The following ADAMTS2 variants were observed in gnomAD, a reference collection of about 807,000 sequenced individuals.
The protein encoded by ADAMTS2 is A disintegrin and metalloproteinase with thrombospondin motifs 2.
Under a neutral mutation model 123.0 loss-of-function variants are expected in ADAMTS2, and 50 were observed. The ratio of observed to expected loss-of-function variants is 0.41; its 90% CI spans 0.32 to 0.51. The LOEUF (loss-of-function observed/expected upper bound fraction) is 0.51, where lower values mean the gene tolerates loss of function less well. Ranked by LOEUF, ADAMTS2 falls within the 20% of genes least tolerant of loss-of-function variation. ADAMTS2 has a pLI of 0.35. For missense variants in ADAMTS2, 1,494 were observed against 1,705.2 expected, an observed-to-expected ratio of 0.88 and a Z score of 2.18; for synonymous variants, 678 against 695.4, an observed-to-expected ratio of 0.98 and a Z score of 0.39.
At chr5:179,153,226 C>T (rs1763396353) in intron 9 of ADAMTS2, among the ~76,000 whole-genome samples, 1 of 152,204 alleles carries the variant, frequency 6.6e-6, no homozygotes, top group Non-Finnish European at 1.5e-5. Flanking sequence ...CCTCTGCAGG[C>T]TCTCACTGCC....
intron 3 of ADAMTS2, among the ~76,000 whole-genome samples, chr5:179,270,296 G>A (rs894724966): frequency 3.9e-5 from 6 of 152,128 alleles, no homozygotes; most frequent in Admixed American, 6.5e-5. Flanking sequence ...GGGATATCCT[G>A]CCACCCAGAC....
intron 4 of ADAMTS2, among the ~76,000 whole-genome samples, chr5:179,203,725 A>C (rs967930355): frequency 2.0e-5 from 3 of 152,254 alleles, no homozygotes; most frequent in African/African-American, 7.2e-5. Context: ...AGTTGGTGAC[A>C]ATTTGGAGAG....
chr5:179,199,614 G>A (rs1764515108), intron 4 of ADAMTS2, among the ~76,000 whole-genome samples: 2 of 152,168 alleles, frequency 1.3e-5, no homozygotes, highest in Admixed American at 6.5e-5. Context: ...CCCAGTGGGT[G>A]TGCCCTTCCT....
intron 2 of ADAMTS2, among the ~76,000 whole-genome samples, chr5:179,328,238 T>G (rs1463546679): frequency 6.6e-6 from 1 of 152,234 alleles, no homozygotes; most frequent in East Asian, 1.9e-4. Flanking sequence ...TTCACCGTGT[T>G]AGCCAGGATG....
chr5:179,337,958 T>C (rs1470273321), intron 2 of ADAMTS2, among the ~76,000 whole-genome samples: 1 of 151,652 alleles, frequency 6.6e-6, no homozygotes. Flanking sequence ...CCCAGCTGAC[T>C]CTGCAGGAGG....
chr5:179,189,191 C>T lies in ADAMTS2; in HGVS notation c.892-8036G>A, dbSNP rs116675461. On this transcript the variant is annotated intron_variant, in intron 4 of 21. Coordinates refer to ENST00000251582, the MANE Select transcript of ADAMTS2 (RefSeq NM_014244.5). The surrounding 1 kb of genome is among the most constrained non-coding windows in gnomAD (Gnocchi z 4.2). ...AAGCAACAATGAAAATTATCACGTG[C>T]GTCCATGTGAAGAGATCACCAAACA... Among the ~76,000 whole-genome samples the T allele has an allele frequency of 4.7e-4, 71 of 152,266 alleles. No homozygotes were observed. Among genetic ancestry groups the T allele is most frequent in the African/African-American group, 1.5e-3 (64 of 41,548 alleles).
chr5:179,140,327 C>T (rs546394708), intron 10 of ADAMTS2, among the ~76,000 whole-genome samples: 79 of 152,352 alleles, frequency 5.2e-4, no homozygotes, highest in African/African-American at 1.7e-3. Flanking sequence ...CACCACATGA[C>T]GCCGCCAGGA....
chr5:179,131,372 C>T (rs999609068), intron 15 of ADAMTS2, among the ~76,000 whole-genome samples: 1 of 148,968 alleles, frequency 6.7e-6, no homozygotes, highest in Non-Finnish European at 1.5e-5. Flanking sequence ...GAGATCCTGT[C>T]TCTAAATAAA....
Position 179,272,244 on chromosome 5 carries a change from G to A in ADAMTS2, c.688+667C>T, listed in dbSNP as rs967917592. On this transcript the variant is annotated intron_variant, in intron 3 of 21. Transcript: ENST00000251582. The surrounding 1 kb of genome is among the most constrained non-coding windows in gnomAD (Gnocchi z 5.8). ...ACAGTCATGGACTGTCACCATGGCC[G>A]CCTGGCAGCTCCTTTCACGTTTCTG... 1.3e-5 allele frequency among the ~76,000 whole-genome samples: 2 copies of A among 152,232 alleles called. No individual in the cohort carries two copies. The highest frequency in any genetic ancestry group is 1.9e-4 in the East Asian group (1 of 5,200).
rs144967440 is a variant in ADAMTS2 at position 179,298,054 on chromosome 5, G to A, written c.535-24990C>T. On this transcript the variant is annotated intron_variant, in intron 2 of 21. Transcript: ENST00000251582. The stretch of plus-strand genomic sequence containing the variant: ...CTCAGCCTCTCTCTGGCCGCCCCCA[G>A]CTGCTCCGGTTTCCACAGCACCAGA... Among the ~76,000 whole-genome samples the A allele has an allele frequency of 8.5e-5, 13 of 152,178 alleles. No homozygotes were observed. In the East Asian group the frequency reaches 2.3e-3, roughly 27 times the overall value.
chr5:179,182,861 C>G lies in ADAMTS2; in HGVS notation c.892-1706G>C, dbSNP rs1422607689. Reference sequence around the variant, plus strand: ...CCCTGTAGGCGCTGAGGGTTATCCTCTAGACCCCCAGTGACCCATCTCGCC... The same window carrying G: ...CCCTGTAGGCGCTGAGGGTTATCCTGTAGACCCCCAGTGACCCATCTCGCC... On this transcript the variant is annotated intron_variant, in intron 4 of 21. Transcript: ENST00000251582. Among the ~76,000 whole-genome samples, 5 of 152,152 alleles carry G rather than the reference C, an allele frequency of 3.3e-5. No homozygotes were observed. In the South Asian group the frequency reaches 8.3e-4, roughly 25 times the overall value.
intron 6 of ADAMTS2, among the ~76,000 whole-genome samples, chr5:179,156,359 A>ATTT (rs397967558): frequency 8.4e-4 from 103 of 122,356 alleles, no homozygotes; most frequent in Non-Finnish European, 1.1e-3. Flanking sequence ...TCAGCTTTCG[A>ATTT]TTTTTTTTTT....
In ADAMTS2 at chr5:179,245,489, G is replaced by A. The variant is rs542180397; in HGVS notation, c.688+27422C>T. Among the ~76,000 whole-genome samples, 286 of 147,252 alleles carry A rather than the reference G, an allele frequency of 1.9e-3. 5 individuals are homozygous for A. The highest frequency in any genetic ancestry group is 6.6e-3 in the African/African-American group (257 of 39,104). On this transcript the variant is annotated intron_variant, in intron 3 of 21. Transcript: ENST00000251582. ...AACAGTACAAAGATGGGGGTGGGCCGGGCGCGGTGGCTCACGCCTGTAATC... is the reference window on the plus strand; with the variant it reads ...AACAGTACAAAGATGGGGGTGGGCCAGGCGCGGTGGCTCACGCCTGTAATC...
At chr5:179,126,537 C>T (rs1365801011) in intron 17 of ADAMTS2, among the ~76,000 whole-genome samples, 1 of 152,334 alleles carries the variant, frequency 6.6e-6, no homozygotes, top group Middle Eastern at 3.4e-3. Flanking sequence ...GTGCTCAACC[C>T]GGGTGATTTT....
intron 5 of ADAMTS2, among the ~76,000 whole-genome samples, chr5:179,163,425 G>C (rs1763636634): frequency 2.6e-5 from 4 of 152,222 alleles, no homozygotes; most frequent in Admixed American, 2.6e-4. Flanking sequence ...CAGAGGCCCA[G>C]AGCTGCTGGA....
At chr5:179,145,104 A>G (rs1034661464) in intron 10 of ADAMTS2, among the ~76,000 whole-genome samples, 2 of 152,242 alleles carry the variant, frequency 1.3e-5, no homozygotes, top group African/African-American at 4.8e-5. Context: ...CATTTATACA[A>G]AAAATATATA....
In ADAMTS2 at chr5:179,188,040, G is replaced by A. The variant is rs746482955; in HGVS notation, c.892-6885C>T. On this transcript the variant is annotated intron_variant, in intron 4 of 21. Transcript: ENST00000251582. This position sits in a 1 kb window ranked among gnomAD's most constrained non-coding sequence, Gnocchi z 5.1. ...TCCTCTGCCAAGGTGGGGGAGGGGTGCAGAAAGGGGGGAACCGGTGCAGGC... is the reference window on the plus strand; with the variant it reads ...TCCTCTGCCAAGGTGGGGGAGGGGTACAGAAAGGGGGGAACCGGTGCAGGC... Among the ~76,000 whole-genome samples the A allele has an allele frequency of 3.0e-4, 45 of 152,236 alleles. 1 individual carries two copies. The highest frequency in any genetic ancestry group is 3.4e-3 in the Middle Eastern group (1 of 294).
At chr5:179,183,345 G>A (rs773053832) in intron 4 of ADAMTS2, among the ~76,000 whole-genome samples, 4 of 152,234 alleles carry the variant, frequency 2.6e-5, no homozygotes, top group Admixed American at 6.5e-5. Flanking sequence ...GCAGCTGAAG[G>A]GAGCAGAATA....
chr5:179,193,367 G>A (rs187035789), intron 4 of ADAMTS2, among the ~76,000 whole-genome samples: 8 of 152,298 alleles, frequency 5.3e-5, no homozygotes, highest in South Asian at 2.1e-4. Flanking sequence ...CCCTGCGAGT[G>A]AGTGTTATCC....
Sources: allele counts gnomAD v4.1 joint callset (sites outside exome capture counted in the v4.1 genomes callset), GRCh38; gene constraint gnomAD v4.1.1; non-coding constraint Gnocchi (gnomAD v3.1); transcripts MANE v1.5; gene names NCBI Gene and HGNC (gene_info 2026-07-23, HGNC 2026-07-21).